The following OSBPL10 variants were observed in gnomAD, a reference collection of about 807,000 sequenced individuals.
The protein encoded by OSBPL10 is oxysterol-binding protein-related protein 10.
Under a neutral mutation model 81.7 loss-of-function variants are expected in OSBPL10, and 49 were observed. The ratio of observed to expected loss-of-function variants is 0.60; its 90% CI spans 0.48 to 0.76. OSBPL10 has a LOEUF of 0.76. OSBPL10 is among the 30% of genes least tolerant of loss of function. The pLI is 0.00. For missense variants in OSBPL10, 923 were observed against 987.8 expected, an observed-to-expected ratio of 0.93 and a Z score of 0.88; for synonymous variants, 419 against 383.6, an observed-to-expected ratio of 1.09 and a Z score of -1.08.
chr3:31,725,771 C>T (rs1489867309), intron 6 of OSBPL10, among the ~76,000 whole-genome samples: 1 of 152,204 alleles, frequency 6.6e-6, no homozygotes, highest in African/African-American at 2.4e-5. Context: ...GGGAAGAGCA[C>T]AGAACAGAGA....
At chr3:32,003,651 C>T (rs1012200840) in intron 2 of OSBPL10, among the ~76,000 whole-genome samples, 1 of 152,212 alleles carries the variant, frequency 6.6e-6, no homozygotes, top group East Asian at 1.9e-4. Context: ...TCCTCTTTCT[C>T]GTCTCTTCAC....
At chr3:31,672,566 A>G (rs903421824) in intron 8 of OSBPL10, among the ~76,000 whole-genome samples, 9 of 152,128 alleles carry the variant, frequency 5.9e-5, no homozygotes, top group African/African-American at 1.9e-4. Context: ...TCTAAAGTCA[A>G]TACTAAGATG....
At chr3:31,835,372 G>T (rs1045664928) in intron 3 of OSBPL10, among the ~76,000 whole-genome samples, 6 of 131,386 alleles carry the variant, frequency 4.6e-5, no homozygotes, top group Non-Finnish European at 8.7e-5. Context: ...AAATAGAAAA[G>T]ATCAGCTGGT....
intron 4 of OSBPL10, among the ~76,000 whole-genome samples, chr3:31,792,332 A>G (rs1205549414): frequency 6.6e-6 from 1 of 152,210 alleles, no homozygotes; most frequent in African/African-American, 2.4e-5. Context: ...TTTCAAAAAC[A>G]TTCAGGAAGA....
At chr3:31,830,294 C>T (rs918722589) in intron 3 of OSBPL10, 63 bp from the exon 4 acceptor site, 1 of 1,476,728 alleles carries the variant, frequency 6.8e-7, no homozygotes, top group African/African-American at 1.4e-5. Context: ...TAAGTGTTGG[C>T]TTCTATTCAT....
intron 7 of OSBPL10, among the ~76,000 whole-genome samples, chr3:31,696,467 TC>T (rs1264832489): frequency 6.6e-6 from 1 of 152,266 alleles, no homozygotes; most frequent in East Asian, 1.9e-4. Context: ...TTGAATGCAC[TC>T]CCATCAGACT....
chr3:31,870,009 C>T (rs1007969753), intron 3 of OSBPL10, among the ~76,000 whole-genome samples: 1 of 152,266 alleles, frequency 6.6e-6, no homozygotes, highest in South Asian at 2.1e-4. Flanking sequence ...GCCTGGGCTC[C>T]CACTTTGGTG....
At chr3:31,821,186 G>A (rs547417272) in intron 4 of OSBPL10, among the ~76,000 whole-genome samples, 5 of 152,098 alleles carry the variant, frequency 3.3e-5, no homozygotes, top group East Asian at 1.9e-4. Flanking sequence ...GTTGGACAAT[G>A]AGTTGAGGAT....
chr3:31,792,740 AGT>A (rs10575874), intron 4 of OSBPL10, among the ~76,000 whole-genome samples: 13,808 of 133,352 alleles, frequency 0.1, 825 homozygotes, highest in East Asian at 0.26. Context: ...CCAGACACAG[AGT>A]GTGTGTGTGT....
intron 8 of OSBPL10, 129 bp from the exon 9 acceptor site, chr3:31,671,112 T>C: frequency 1.1e-6 from 1 of 896,022 alleles, no homozygotes; most frequent in East Asian, 2.7e-5. Flanking sequence ...TCTGCAGAGG[T>C]GAGCTGCTCG....
chr3:31,974,061 A>C (rs996738659), intron 1 of OSBPL10, among the ~76,000 whole-genome samples: 16 of 152,212 alleles, frequency 1.1e-4, no homozygotes, highest in Non-Finnish European at 2.2e-4. Flanking sequence ...GCGCATACCC[A>C]GAATATATAA....
intron 1 of OSBPL10, among the ~76,000 whole-genome samples, chr3:31,942,070 T>C (rs531346924): frequency 4.0e-4 from 60 of 151,516 alleles, no homozygotes; most frequent in African/African-American, 1.4e-3. Flanking sequence ...GTCAGGAGAT[T>C]GAGACCATCC....
intron 1 of OSBPL10, among the ~76,000 whole-genome samples, chr3:31,915,031 G>A (rs1437391253): frequency 6.6e-6 from 1 of 152,144 alleles, no homozygotes. Flanking sequence ...GAGTGCAGTG[G>A]CACAATCAGA....
chr3:31,957,652 T>C (rs1032690231), intron 1 of OSBPL10, among the ~76,000 whole-genome samples: 3 of 152,186 alleles, frequency 2.0e-5, no homozygotes, highest in Admixed American at 1.3e-4. Flanking sequence ...TTTTGGTTTG[T>C]TTGTTTTTTG....
At chr3:31,939,476 A>T (rs967724211) in intron 1 of OSBPL10, among the ~76,000 whole-genome samples, 5 of 151,504 alleles carry the variant, frequency 3.3e-5, no homozygotes, top group Admixed American at 1.3e-4. Context: ...AAACAAAAAA[A>T]TTCCCCTCAG....
chr3:32,068,585 C>T (rs1233395813), intron 1 of OSBPL10, among the ~76,000 whole-genome samples: 2 of 152,072 alleles, frequency 1.3e-5, no homozygotes, highest in African/African-American at 4.8e-5. Flanking sequence ...TTTTGCAACA[C>T]TGCTTGGCCC....
chr3:31,856,991 C>T (rs549910537), intron 3 of OSBPL10, among the ~76,000 whole-genome samples: 18 of 152,200 alleles, frequency 1.2e-4, no homozygotes, highest in South Asian at 6.2e-4. Context: ...TGAACCTGGG[C>T]GGTGGAGGGT....
At chr3:31,986,824 G>C (rs1698939875) in intron 2 of OSBPL10, among the ~76,000 whole-genome samples, 1 of 151,912 alleles carries the variant, frequency 6.6e-6, no homozygotes, top group Non-Finnish European at 1.5e-5. Flanking sequence ...GGGCAACCTG[G>C]AGAGACTCCA....
chr3:31,826,254 C>T (rs998476308), intron 4 of OSBPL10, among the ~76,000 whole-genome samples: 2 of 152,138 alleles, frequency 1.3e-5, no homozygotes, highest in African/African-American at 4.8e-5. Context: ...TTTCTTAATA[C>T]CCCACCAATA....
Sources: allele counts gnomAD v4.1 joint callset (sites outside exome capture counted in the v4.1 genomes callset), GRCh38; gene constraint gnomAD v4.1.1; transcripts MANE v1.5; gene names NCBI Gene and HGNC (gene_info 2026-07-23, HGNC 2026-07-21).